Variants in SLC8A3 observed in about 807,000 individuals in gnomAD.
SLC8A3 encodes the protein sodium/calcium exchanger 3.
In SLC8A3, 37 loss-of-function variants were observed where a neutral mutation model predicts 65.4. The observed-to-expected ratio is 0.57, with a 90% CI of 0.44 to 0.74. The LOEUF (loss-of-function observed/expected upper bound fraction) is 0.74, where lower values mean the gene tolerates loss of function less well. Among genes scored for constraint, SLC8A3 ranks in the 30% least tolerant of loss-of-function variants. The pLI, the probability that SLC8A3 is intolerant of heterozygous loss-of-function variation, is 0.00. For missense variants in SLC8A3, 1,112 were observed against 1,172.1 expected (o/e 0.95, Z 0.75); for synonymous variants, 461 against 444.5 (o/e 1.04, Z -0.47).
At chr14:70,165,687 G>C (rs1775959233) in intron 2 of SLC8A3, among the ~76,000 whole-genome samples, 2 of 152,166 alleles carry the variant, frequency 1.3e-5, no homozygotes, top group Admixed American at 1.3e-4. Context: ...CTGGAAAAAG[G>C]ACAGAATAAC....
intron 2 of SLC8A3, among the ~76,000 whole-genome samples, chr14:70,160,353 G>C (rs532330634): frequency 6.6e-6 from 1 of 152,274 alleles, no homozygotes; most frequent in South Asian, 2.1e-4. Context: ...GCTGAGGCAG[G>C]AGAATTGCTT....
intron 1 of SLC8A3, among the ~76,000 whole-genome samples, chr14:70,180,234 G>C (rs897178164): frequency 1.3e-5 from 2 of 152,224 alleles, no homozygotes; most frequent in African/African-American, 4.8e-5. Context: ...TTCTCCAGAA[G>C]CCAGATGTAT....
intron 1 of SLC8A3, among the ~76,000 whole-genome samples, chr14:70,187,395 A>G (rs1314120478): frequency 6.6e-6 from 1 of 151,920 alleles, no homozygotes; most frequent in African/African-American, 2.4e-5. Flanking sequence ...ACTGCATTAA[A>G]GGCATTTCTT....
intron 1 of SLC8A3, among the ~76,000 whole-genome samples, chr14:70,177,228 A>G (rs1025168867): frequency 1.7e-4 from 26 of 152,348 alleles, no homozygotes; most frequent in African/African-American, 6.3e-4. Context: ...ATGAATGTGC[A>G]AAAATAGAAG....
intron 2 of SLC8A3, among the ~76,000 whole-genome samples, chr14:70,112,651 A>G (rs1445185227): frequency 3.9e-5 from 6 of 152,176 alleles, no homozygotes; most frequent in Non-Finnish European, 8.8e-5. Context: ...ATAACAAAGT[A>G]CCACCAACTG....
chr14:70,061,659 A>G (rs1888820040), intron 2 of SLC8A3, among the ~76,000 whole-genome samples: 1 of 152,120 alleles, frequency 6.6e-6, no homozygotes, highest in Non-Finnish European at 1.5e-5. Flanking sequence ...AACTAAAATA[A>G]ATATGTATTA....
chr14:70,184,961 C>A (rs973147556), intron 1 of SLC8A3, among the ~76,000 whole-genome samples: 5 of 116,274 alleles, frequency 4.3e-5, no homozygotes, highest in African/African-American at 1.5e-4. Context: ...TCTTTTTTTT[C>A]TTTTCTTTTT....
chr14:70,112,703 A>G (rs571742091), intron 2 of SLC8A3, among the ~76,000 whole-genome samples: 14 of 152,300 alleles, frequency 9.2e-5, no homozygotes, highest in African/African-American at 3.1e-4. Flanking sequence ...CACAGTTCTG[A>G]AGGCTAAACA....
At chr14:70,109,601 A>C (rs1893138686) in intron 2 of SLC8A3, among the ~76,000 whole-genome samples, 3 of 151,818 alleles carry the variant, frequency 2.0e-5, no homozygotes, top group Non-Finnish European at 4.4e-5. Flanking sequence ...ACTACAGTGC[A>C]TGCCACCACA....
rs186996378 is a variant in SLC8A3, at chr14:70,079,372, G to A, written c.1785-18433C>T. ...AAAAAAATCAGCCAGGCGTGGTGGT[G>A]CACATCTGTAATCCCAGCTACTCAG... On this transcript the variant is annotated intron_variant, in intron 2 of 6. Transcript: ENST00000356921. Among the ~76,000 whole-genome samples the A allele has an allele frequency of 8.6e-5, 13 of 150,326 alleles. No homozygotes were observed. The East Asian group carries it at 2.1e-3, about 25-fold the overall frequency.
chr14:70,141,725 T>G (rs893305341), intron 2 of SLC8A3, among the ~76,000 whole-genome samples: 1 of 152,118 alleles, frequency 6.6e-6, no homozygotes, highest in Non-Finnish European at 1.5e-5. Context: ...ATCAAGGAAA[T>G]AGCGTTTAGT....
chr14:70,093,420 C>A (rs1220161012), intron 2 of SLC8A3, among the ~76,000 whole-genome samples: 4 of 152,218 alleles, frequency 2.6e-5, no homozygotes, highest in African/African-American at 9.6e-5. Flanking sequence ...AGCAGCTTCA[C>A]TTCTCTGGGC....
At chr14:70,063,901 C>T (rs1219625376) in intron 2 of SLC8A3, 1 of 1,608,750 alleles carries the variant, frequency 6.2e-7, no homozygotes, top group Non-Finnish European at 8.5e-7. Flanking sequence ...TATGCCTCAT[C>T]ATCAATTACC....
intron 2 of SLC8A3, among the ~76,000 whole-genome samples, chr14:70,159,686 A>T (rs1896772620): frequency 1.3e-5 from 2 of 152,190 alleles, no homozygotes; most frequent in South Asian, 4.1e-4. Flanking sequence ...TGGCCTTAAG[A>T]CCCAGAAGAG....
chr14:70,096,087 G>A (rs1016378074), intron 2 of SLC8A3, among the ~76,000 whole-genome samples: 1 of 152,022 alleles, frequency 6.6e-6, no homozygotes, highest in African/African-American at 2.4e-5. Context: ...TCACCATGTT[G>A]GTCAGGCTGG....
At chr14:70,079,912 TA>T in intron 2 of SLC8A3, 1 of 163,690 alleles carries the variant, frequency 6.1e-6, no homozygotes, top group Non-Finnish European at 1.3e-5. Context: ...AAACTTGAGT[TA>T]AAATCTTAGT....
chr14:70,129,941 G>A (rs1481583157), intron 2 of SLC8A3, among the ~76,000 whole-genome samples: 1 of 152,184 alleles, frequency 6.6e-6, no homozygotes, highest in Non-Finnish European at 1.5e-5. Flanking sequence ...GGAGAGGGTG[G>A]GACACCAGGA....
chr14:70,090,055 T>G (rs1444695183), intron 2 of SLC8A3, among the ~76,000 whole-genome samples: 1 of 152,112 alleles, frequency 6.6e-6, no homozygotes, highest in Non-Finnish European at 1.5e-5. Flanking sequence ...TTTTTTAACA[T>G]ATTTTGCTAA....
At chr14:70,141,477 T>A (rs113306716) in intron 2 of SLC8A3, among the ~76,000 whole-genome samples, 95 of 152,294 alleles carry the variant, frequency 6.2e-4, no homozygotes, top group African/African-American at 2.2e-3. Flanking sequence ...TGACTTACAT[T>A]TATTACAGGG....
Sources: allele counts gnomAD v4.1 joint callset (sites outside exome capture counted in the v4.1 genomes callset), GRCh38; gene constraint gnomAD v4.1.1; transcripts MANE v1.5; gene names NCBI Gene and HGNC (gene_info 2026-07-23, HGNC 2026-07-21).